Variants in TEX9 observed in about 807,000 individuals in gnomAD.
TEX9 encodes the protein testis-expressed protein 9.
TEX9 carries 74 observed loss-of-function variants against 59.6 expected under a neutral mutation model. That is an observed-to-expected ratio of 1.24 (90% CI 1.03 to 1.51). TEX9 has a LOEUF of 1.51. Ranked by LOEUF, TEX9 falls within the 40% of genes most tolerant of loss-of-function variation. TEX9 has a pLI of 0.00. For synonymous variants in TEX9, 186 were observed against 152.2 expected, an observed-to-expected ratio of 1.22 and a Z score of -1.64; for missense variants, 522 against 447.8, an observed-to-expected ratio of 1.17 and a Z score of -1.49.
At chr15:56,250,571 G>C (rs970843236) in intron 1 of TEX9, among the ~76,000 whole-genome samples, 2 of 152,178 alleles carry the variant, frequency 1.3e-5, no homozygotes, top group African/African-American at 4.8e-5. Flanking sequence ...CTTCCATACT[G>C]TGTACAAAGC....
At position 56,292,701 on chromosome 15, in the gene TEX9, A is replaced by G. The variant is rs117853450; in HGVS notation, c.-107+48423A>G. 4.7e-3 allele frequency among the ~76,000 whole-genome samples: 711 copies of G among 152,310 alleles called. 1 individual carries two copies. The highest frequency in any genetic ancestry group is 8.2e-3 in the Non-Finnish European group (557 of 68,012). ...CAGTTCTGGAAAAATGCCTTGGGCCACTAGGAGCTGCCTTACCTAGAAATG... is the reference window on the plus strand; with the variant it reads ...CAGTTCTGGAAAAATGCCTTGGGCCGCTAGGAGCTGCCTTACCTAGAAATG... On this transcript the variant is annotated intron_variant, in intron 1 of 5. Coordinates refer to the TEX9 transcript ENST00000560827.
chr15:56,427,816 G>C (rs1429935492), intron 11 of TEX9, 77 bp downstream of exon 11: 19 of 1,203,566 alleles, frequency 1.6e-5, no homozygotes, highest in Non-Finnish European at 2.0e-5. Context: ...TTTCACTTTA[G>C]GTATGTTTTT....
intron 1 of TEX9, among the ~76,000 whole-genome samples, chr15:56,281,821 A>G (rs1015039281): frequency 6.6e-6 from 1 of 152,126 alleles, no homozygotes; most frequent in Non-Finnish European, 1.5e-5. Context: ...GCTCTACCCA[A>G]ATACAGTGTC....
At chr15:56,405,766 C>T (rs1469135842) in intron 9 of TEX9, among the ~76,000 whole-genome samples, 1 of 152,004 alleles carries the variant, frequency 6.6e-6, no homozygotes, top group Non-Finnish European at 1.5e-5. Context: ...CAGAAAATGC[C>T]AGAGCTTGAG....
At chr15:56,327,052 A>T (rs923043184) in intron 1 of TEX9, among the ~76,000 whole-genome samples, 2 of 152,356 alleles carry the variant, frequency 1.3e-5, no homozygotes, top group African/African-American at 4.8e-5. Flanking sequence ...AAAAATCATT[A>T]TCAAAATAAT....
intron 3 of TEX9, among the ~76,000 whole-genome samples, chr15:56,383,116 C>T (rs1236996677): frequency 1.3e-5 from 2 of 152,212 alleles, no homozygotes; most frequent in Non-Finnish European, 2.9e-5. Context: ...CAGATGCTTC[C>T]TCCATGCATG....
intron 9 of TEX9, among the ~76,000 whole-genome samples, chr15:56,412,073 G>A (rs1402309178): frequency 6.6e-6 from 1 of 152,000 alleles, no homozygotes; most frequent in Non-Finnish European, 1.5e-5. Flanking sequence ...TGAAAGCCCG[G>A]TTCACAACTA....
intron 1 of TEX9, among the ~76,000 whole-genome samples, chr15:56,354,228 G>A (rs1343898269): frequency 2.0e-5 from 3 of 152,158 alleles, no homozygotes; most frequent in Non-Finnish European, 4.4e-5. Context: ...TTTGCTCCAC[G>A]TGCTTGCAGA....
intron 1 of TEX9, among the ~76,000 whole-genome samples, chr15:56,341,112 T>C (rs1368402134): frequency 1.3e-5 from 2 of 152,200 alleles, no homozygotes; most frequent in Non-Finnish European, 2.9e-5. Flanking sequence ...AAGAGTAGGT[T>C]CTGTGAAGAT....
chr15:56,259,950 A>G (rs980577646), intron 1 of TEX9, among the ~76,000 whole-genome samples: 1 of 152,106 alleles, frequency 6.6e-6, no homozygotes, highest in Non-Finnish European at 1.5e-5. Flanking sequence ...TTTTCACTTT[A>G]GTGATCTTAC....
Position 56,422,228 on chromosome 15 carries a change from T to C in TEX9, c.964-5377T>C, listed in dbSNP as rs560251576. On this transcript the variant is annotated intron_variant, in intron 10 of 12. Transcript: ENST00000352903. ...AACTAACCTGCACATTGTGCACATG[T>C]ACCCTAAAACTTAAAGTATAATTAA... 2.0e-5 allele frequency among the ~76,000 whole-genome samples: 3 copies of C among 151,480 alleles called. No homozygotes were observed. The South Asian group carries it at 6.2e-4, about 32-fold the overall frequency.
intron 9 of TEX9, among the ~76,000 whole-genome samples, chr15:56,403,835 A>C (rs111921492): frequency 0.044 from 6,739 of 152,308 alleles, 224 homozygotes; most frequent in Admixed American, 0.087. Context: ...CCACACATCT[A>C]CAACCATCTG....
intron 1 of TEX9, among the ~76,000 whole-genome samples, chr15:56,338,260 C>T (rs1596101142): frequency 6.6e-6 from 1 of 152,192 alleles, no homozygotes; most frequent in East Asian, 1.9e-4. Flanking sequence ...TCTACTTTTG[C>T]CACTTGGATT....
At chr15:56,304,015 A>C (rs2045420685) in intron 1 of TEX9, among the ~76,000 whole-genome samples, 2 of 152,268 alleles carry the variant, frequency 1.3e-5, no homozygotes, top group African/African-American at 4.8e-5. Context: ...AAAGTTTCCC[A>C]GCAAAGAAAA....
chr15:56,261,422 TATA>T, intron 1 of TEX9, among the ~76,000 whole-genome samples: 1 of 152,052 alleles, frequency 6.6e-6, no homozygotes, highest in Middle Eastern at 3.4e-3. Context: ...AAAATAATAA[TATA>T]ATAATTATTA....
intron 1 of TEX9, among the ~76,000 whole-genome samples, chr15:56,308,995 T>A (rs1460732425): frequency 2.0e-5 from 3 of 152,214 alleles, no homozygotes; most frequent in African/African-American, 7.2e-5. Context: ...CCTTCAACTT[T>A]GTTCTTTTTC....
At chr15:56,424,841 T>C (rs1045984363) in intron 10 of TEX9, among the ~76,000 whole-genome samples, 2 of 152,200 alleles carry the variant, frequency 1.3e-5, no homozygotes, top group East Asian at 3.8e-4. Flanking sequence ...TTACATTTAC[T>C]GGGGAATTTC....
intron 1 of TEX9, among the ~76,000 whole-genome samples, chr15:56,272,759 CTT>C (rs1249603098): frequency 6.6e-6 from 1 of 151,984 alleles, no homozygotes; most frequent in Non-Finnish European, 1.5e-5. Flanking sequence ...ATAACATACT[CTT>C]TTATTTAGTT....
chr15:56,258,868 A>T lies in TEX9; in HGVS notation c.-107+14590A>T, dbSNP rs183690648. Among the ~76,000 whole-genome samples the T allele has an allele frequency of 5.6e-4, 84 of 150,674 alleles. 1 individual carries two copies. Among genetic ancestry groups the T allele is most frequent in the Middle Eastern group, 3.5e-3 (1 of 288 alleles). ...TAGACATTCTTTAGATATTGTAGAT[A>T]TGTTATTTGTTGGATATATATGAAT... On this transcript the variant is annotated intron_variant, in intron 1 of 5. Transcript: ENST00000560827.
Sources: allele counts gnomAD v4.1 joint callset (sites outside exome capture counted in the v4.1 genomes callset), GRCh38; gene constraint gnomAD v4.1.1; transcripts MANE v1.5; gene names NCBI Gene and HGNC (gene_info 2026-07-23, HGNC 2026-07-21).